The following COL6A3 variants were observed in gnomAD, a reference collection of about 807,000 sequenced individuals.
COL6A3 encodes the protein collagen alpha-3(VI) chain.
A neutral mutation model predicts 274.1 loss-of-function variants in COL6A3; 137 were observed. The ratio of observed to expected loss-of-function variants is 0.50; its 90% CI spans 0.44 to 0.58. The LOEUF (loss-of-function observed/expected upper bound fraction) is 0.58. Among genes scored for constraint, COL6A3 ranks in the 20% least tolerant of loss-of-function variants. The pLI is 0.00. For missense variants in COL6A3, 3,950 were observed against 4,124.9 expected (o/e 0.96, Z 1.16); for synonymous variants, 1,650 against 1,650.6 (o/e 1.00, Z 0.01).
chr2:237,379,242 T>C lies in COL6A3; in HGVS notation c.1898-7A>G, dbSNP rs772211148. 2 of 1,614,066 alleles carry C rather than the reference T, an allele frequency of 1.2e-6. No individual in the cohort carries two copies. Among genetic ancestry groups the C allele is most frequent in the Admixed American group, 1.7e-5 (1 of 60,026 alleles). On this transcript the variant is annotated splice_region_variant and splice_polypyrimidine_tract_variant and intron_variant, in intron 5 of 43. Coordinates refer to ENST00000295550, the MANE Select transcript of COL6A3 (RefSeq NM_004369.4). The stretch of plus-strand genomic sequence containing the variant: ...TCCCTTTTGTTTGAGTGAACTGCAG[T>C]GAAGCACAGAAAAAAAAGTGAGACA...
chr2:237,382,555 GT>G (rs779771965), intron 4 of COL6A3, among the ~76,000 whole-genome samples: 7 of 152,224 alleles, frequency 4.6e-5, no homozygotes, highest in Non-Finnish European at 7.3e-5. Context: ...CATGAACTCT[GT>G]TAAGACCACA....
rs192008567 is a variant in COL6A3 at position 237,342,395 on chromosome 2, C to A, written c.7669-234G>T. 2,885 of 549,098 alleles carry A rather than the reference C, an allele frequency of 5.3e-3. 15 individuals carry two copies. Among genetic ancestry groups the A allele is most frequent in the Non-Finnish European group, 7.7e-3 (2,348 of 305,634 alleles). The allele number at this position is 549,098 out of a possible 1,614,324, so 34.0% of individuals were successfully genotyped here. ...GTTCATATCCCGTTCAAATGGGTTT[C>A]AGTTTTTTTCAGCTGTAAAATGGGG... On this transcript the variant is annotated intron_variant, in intron 36 of 43. Coordinates refer to ENST00000295550, the MANE Select transcript of COL6A3 (RefSeq NM_004369.4).
chr2:237,409,206 A>G (rs2078793452), intron 1 of COL6A3, among the ~76,000 whole-genome samples: 1 of 152,196 alleles, frequency 6.6e-6, no homozygotes, highest in Admixed American at 6.5e-5. Context: ...AATTAGCCAA[A>G]CAGAAATTAT....
intron 42 of COL6A3, chr2:237,326,438 C>CAAA (rs1253491603): frequency 2.6e-5 from 4 of 152,148 alleles, no homozygotes; most frequent in Non-Finnish European, 1.5e-5. Context: ...GTTTATGTTT[C>CAAA]CAATGCACAC....
intron 23 of COL6A3, chr2:237,355,846 T>C (rs2077306004): frequency 6.6e-6 from 1 of 152,270 alleles, no homozygotes; most frequent in Admixed American, 6.5e-5. Flanking sequence ...AAGGGGACAC[T>C]GTTCTCCTCT....
chr2:237,390,315 C>T (rs563856763), intron 3 of COL6A3, among the ~76,000 whole-genome samples: 2 of 152,324 alleles, frequency 1.3e-5, no homozygotes, highest in African/African-American at 4.8e-5. Flanking sequence ...TGAACATCTA[C>T]AGTGGCCAGT....
Position 237,342,135 on chromosome 2 carries a change from C to T in COL6A3, c.7695G>A (p.Ala2565=), listed in dbSNP as rs200456255. ...GGTCTCTCCCTGCAGGCAGGACAAG[C>T]GCATGCCCCACTGCTGTGTTATTGA... ...LQINNTAVGH[A]LVLPAGRDLT... is the part of the protein sequence containing the mutation. Residue 2565 remains alanine (A), a synonymous_variant, in exon 37 of 44, where the codon GCG becomes GCA. Transcript: ENST00000295550. 8 of 1,614,216 alleles carry T rather than the reference C, an allele frequency of 5.0e-6. No individual in the cohort carries two copies. The highest frequency in any genetic ancestry group is 2.2e-5 in the East Asian group (1 of 44,890).
chr2:237,344,181 C>G lies in COL6A3; in HGVS notation c.7668+169G>C, dbSNP rs1435220727. 1.0e-6 allele frequency: 1 copy of G among 974,264 alleles called. No homozygotes were observed. The highest frequency in any genetic ancestry group is 1.6e-5 in the African/African-American group (1 of 62,836). The allele number at this position is 974,264 out of a possible 1,614,324, so 60.4% of individuals were successfully genotyped here. On this transcript the variant is annotated intron_variant, in intron 36 of 43. Transcript: ENST00000295550. The surrounding 1 kb of genome is among the most constrained non-coding windows in gnomAD (Gnocchi z 4.8). ...AGGCGTCCCTGTAGTGCTGGAGCCA[C>G]GAGGTTGTCCTGGAGACCTCACAAG...
chr2:237,351,665 G>A (rs2077208996), intron 26 of COL6A3, among the ~76,000 whole-genome samples: 1 of 152,150 alleles, frequency 6.6e-6, no homozygotes, highest in African/African-American at 2.4e-5. Flanking sequence ...TAAAAGAGAT[G>A]GTGAAAAAGT....
chr2:237,385,150 C>G (rs186650332), intron 4 of COL6A3, among the ~76,000 whole-genome samples: 1 of 152,306 alleles, frequency 6.6e-6, no homozygotes. Context: ...ACTTATCATG[C>G]TCAGAATATT....
At chr2:237,333,609 C>T (rs750127738) in intron 41 of COL6A3, 61 bp from the exon 42 acceptor site, 1 of 1,411,246 alleles carries the variant, frequency 7.1e-7, no homozygotes, top group Non-Finnish European at 1.0e-6. Context: ...CTTGGGAATC[C>T]TTAGTGACTG....
intron 21 of COL6A3, among the ~76,000 whole-genome samples, chr2:237,358,121 C>T (rs927280352): frequency 6.6e-6 from 1 of 152,192 alleles, no homozygotes; most frequent in Non-Finnish European, 1.5e-5. Flanking sequence ...GAGGAGGATG[C>T]CCCAGGCTCA....
intron 1 of COL6A3, among the ~76,000 whole-genome samples, chr2:237,399,052 G>A: frequency 6.6e-6 from 1 of 152,168 alleles, no homozygotes; most frequent in East Asian, 1.9e-4. Flanking sequence ...TGGCCAAGGT[G>A]CACAACTATT....
Position 237,361,209 on chromosome 2 carries a change from C to T in COL6A3, c.6157-35G>A, listed in dbSNP as rs1255187909. 8 of 1,605,062 alleles carry T rather than the reference C, an allele frequency of 5.0e-6. No individual in the cohort carries two copies. The highest frequency in any genetic ancestry group is 4.5e-5 in the East Asian group (2 of 44,816). ...AGTAATCGGGTCCTCTGTTTAATCC[C>T]GTGGTCTTCTTTGCTCTACAGTAAG... On this transcript the variant is annotated intron_variant, in intron 15 of 43. Coordinates refer to ENST00000295550, the MANE Select transcript of COL6A3 (RefSeq NM_004369.4). The surrounding 1 kb of genome is among the most constrained non-coding windows in gnomAD (Gnocchi z 5.1).
chr2:237,340,741 A>G lies in COL6A3; in HGVS notation c.8175T>C (p.Asn2725=), dbSNP rs779148504. Residue 2725 remains asparagine, a synonymous_variant, in exon 38 of 44, where the codon AAT becomes AAC. Coordinates refer to ENST00000295550, the MANE Select transcript of COL6A3 (RefSeq NM_004369.4). Reference sequence around the variant, plus strand: ...GTGGGTTTGGGGCACTTTCAAAGACATTCTCTATGGTGTATTCAATGGCAC... The same window carrying G: ...GTGGGTTTGGGGCACTTTCAAAGACGTTCTCTATGGTGTATTCAATGGCAC... ...LGSAIEYTIE[N]VFESAPNPRD... 2.5e-6 allele frequency: 4 copies of G among 1,614,106 alleles called. No individual in the cohort carries two copies. Among genetic ancestry groups the G allele is most frequent in the South Asian group, 1.1e-5 (1 of 91,082 alleles).
intron 12 of COL6A3, 33 bp downstream of exon 12, chr2:237,365,665 C>T: frequency 3.7e-6 from 6 of 1,607,384 alleles, no homozygotes; most frequent in Non-Finnish European, 5.1e-6. Flanking sequence ...GGAAATTTCC[C>T]AGGGAGCACC....
At chr2:237,384,847 C>A (rs573105835) in intron 4 of COL6A3, among the ~76,000 whole-genome samples, 8 of 152,266 alleles carry the variant, frequency 5.3e-5, no homozygotes, top group Non-Finnish European at 1.0e-4. Context: ...CTTCTCATCC[C>A]CCTACAGCAG....
Position 237,339,091 on chromosome 2 carries a change from C to A in COL6A3, c.8491G>T (p.Asp2831Tyr), listed in dbSNP as rs36104025. The change falls in exon 39 of 44, where the codon GAT becomes TAT. Residue 2831 changes from aspartate (D) to tyrosine (Y), a missense_variant. Coordinates refer to ENST00000295550, the MANE Select transcript of COL6A3 (RefSeq NM_004369.4). Reference sequence around the variant, plus strand: ...AACCAATCACACTGTTTCCTGATATCTGGGGACAAGTAAAAAGCATTTTCA... The same window carrying A: ...AACCAATCACACTGTTTCCTGATATATGGGGACAAGTAAAAAGCATTTTCA... ...SSENAFYLSP[D>Y]IRKQCDWFQG... is the part of the protein sequence containing the mutation. 1.9e-6 allele frequency: 3 copies of A among 1,613,636 alleles called. No homozygotes were observed. The highest frequency in any genetic ancestry group is 1.3e-5 in the African/African-American group (1 of 74,870).
At chr2:237,401,535 G>A (rs1458523837) in intron 1 of COL6A3, among the ~76,000 whole-genome samples, 1 of 152,010 alleles carries the variant, frequency 6.6e-6, no homozygotes, top group Non-Finnish European at 1.5e-5. Context: ...GAGTCTTCCA[G>A]GACTGTGAAG....
Sources: allele counts gnomAD v4.1 joint callset (sites outside exome capture counted in the v4.1 genomes callset), GRCh38; gene constraint gnomAD v4.1.1; non-coding constraint Gnocchi (gnomAD v3.1); transcripts MANE v1.5; gene names NCBI Gene and HGNC (gene_info 2026-07-23, HGNC 2026-07-21).